The following APBB2 variants were observed in gnomAD, a reference collection of about 807,000 sequenced individuals.
APBB2 encodes the protein amyloid beta precursor protein binding family B member 2.
Under a neutral mutation model 82.5 loss-of-function variants are expected in APBB2, and 38 were observed. That is an observed-to-expected ratio of 0.46 (90% confidence interval 0.36 to 0.60). APBB2 has a LOEUF of 0.60. Ranked by LOEUF, APBB2 falls within the 20% of genes least tolerant of loss-of-function variation. The probability of loss-of-function intolerance (pLI) is 0.00; values close to 1 mark genes in which losing one functional copy is unlikely to be tolerated. For synonymous variants in APBB2, 341 were observed against 368.2 expected (o/e 0.93, Z 0.85); for missense variants, 772 against 972.3 (o/e 0.79, Z 2.74).
chr4:41,149,885 CAT>C (rs992961348), intron 1 of APBB2, among the ~76,000 whole-genome samples: 77 of 152,290 alleles, frequency 5.1e-4, no homozygotes, highest in African/African-American at 1.7e-3. Flanking sequence ...TTCCTGACAC[CAT>C]GTAAGACGTG....
At chr4:41,070,919 A>G (rs980646433) in intron 3 of APBB2, among the ~76,000 whole-genome samples, 3 of 152,236 alleles carry the variant, frequency 2.0e-5, no homozygotes, top group Non-Finnish European at 4.4e-5. Flanking sequence ...GCCAGTCTAC[A>G]AAGTGTTTAG....
intron 12 of APBB2, among the ~76,000 whole-genome samples, chr4:40,879,601 T>G (rs1223950732): frequency 1.3e-5 from 2 of 152,204 alleles, no homozygotes; most frequent in Non-Finnish European, 2.9e-5. Context: ...TTTCTAGATA[T>G]TAAAAAGACA....
At chr4:41,137,519 A>C (rs1757914052) in intron 2 of APBB2, among the ~76,000 whole-genome samples, 1 of 152,248 alleles carries the variant, frequency 6.6e-6, no homozygotes, top group Non-Finnish European at 1.5e-5. Flanking sequence ...ACAGTGACTC[A>C]TAAAGAACAG....
rs1408813503 is a variant in APBB2 at position 40,832,049 on chromosome 4, C to CACAT, written c.1530-1476_1530-1473dup. On this transcript the variant is annotated intron_variant, in intron 12 of 17. Coordinates refer to ENST00000508593, the MANE Select transcript of APBB2 (RefSeq NM_004307.2). This position sits in a 1 kb window ranked among gnomAD's most constrained non-coding sequence, Gnocchi z 4.8. The stretch of plus-strand genomic sequence containing the variant: ...ACACACACACACACACACACACACA[C>CACAT]ACATATACACCAAGCTTTACCCATC... Among the ~76,000 whole-genome samples, 122 of 151,632 alleles carry CACAT rather than the reference C, an allele frequency of 8.0e-4. No individual in the cohort carries two copies. The highest frequency in any genetic ancestry group is 2.9e-3 in the African/African-American group (118 of 41,344).
chr4:40,883,135 GAACT>G (rs943855757), intron 12 of APBB2, among the ~76,000 whole-genome samples: 3 of 152,190 alleles, frequency 2.0e-5, no homozygotes, highest in Non-Finnish European at 4.4e-5. Flanking sequence ...TGTGGCATGA[GAACT>G]AACCTCTGGC....
At chr4:40,992,997 T>C (rs996929913) in intron 6 of APBB2, among the ~76,000 whole-genome samples, 3 of 152,236 alleles carry the variant, frequency 2.0e-5, no homozygotes, top group Admixed American at 2.0e-4. Context: ...CTCTGTGCTT[T>C]TCCTTCAGTG....
At chr4:40,865,732 T>C (rs1763893381) in intron 12 of APBB2, among the ~76,000 whole-genome samples, 1 of 152,200 alleles carries the variant, frequency 6.6e-6, no homozygotes, top group African/African-American at 2.4e-5. Flanking sequence ...ATAAAGTCGA[T>C]AATAAGAAAA....
intron 6 of APBB2, among the ~76,000 whole-genome samples, chr4:40,976,554 A>T (rs1797218456): frequency 6.6e-6 from 1 of 152,200 alleles, no homozygotes. Flanking sequence ...ACTTTTAAAA[A>T]TTAGTAAAGT....
intron 1 of APBB2, among the ~76,000 whole-genome samples, chr4:41,202,898 C>T (rs564713883): frequency 1.3e-5 from 2 of 152,154 alleles, no homozygotes; most frequent in South Asian, 4.2e-4. Context: ...CACAAATGTT[C>T]GTATAAAAAT....
chr4:41,205,483 T>C (rs1372405875), intron 1 of APBB2, among the ~76,000 whole-genome samples: 1 of 152,044 alleles, frequency 6.6e-6, no homozygotes, highest in Non-Finnish European at 1.5e-5. Flanking sequence ...GGGCATAAAT[T>C]TGGGTCCCTG....
intron 2 of APBB2, among the ~76,000 whole-genome samples, chr4:41,104,029 TAA>T (rs931535029): frequency 5.9e-4 from 90 of 152,364 alleles, no homozygotes; most frequent in African/African-American, 2.1e-3. Context: ...TTTAATTATA[TAA>T]TTGTATCTAA....
intron 6 of APBB2, among the ~76,000 whole-genome samples, chr4:40,988,746 T>C (rs1194614530): frequency 1.3e-5 from 2 of 150,630 alleles, no homozygotes; most frequent in African/African-American, 2.4e-5. Context: ...AAATAATGAG[T>C]TTTCATTTGC....
chr4:40,955,942 A>G (rs1404019310), intron 6 of APBB2, among the ~76,000 whole-genome samples: 1 of 151,664 alleles, frequency 6.6e-6, no homozygotes, highest in Non-Finnish European at 1.5e-5. Flanking sequence ...CGCCCGGCTA[A>G]TTTTTGTATT....
intron 2 of APBB2, among the ~76,000 whole-genome samples, chr4:41,142,160 TCA>T (rs139466374): frequency 0.13 from 20,469 of 152,212 alleles, 1,527 homozygotes; most frequent in Non-Finnish European, 0.17. Flanking sequence ...AGACTGTGAC[TCA>T]CTACTTTCTA....
At chr4:40,961,100 C>T (rs905315972) in intron 6 of APBB2, among the ~76,000 whole-genome samples, 3 of 152,120 alleles carry the variant, frequency 2.0e-5, no homozygotes, top group African/African-American at 7.2e-5. Context: ...CTTTGTAGGG[C>T]AGAGCCATCA....
chr4:40,951,809 C>T (rs1441488278), intron 6 of APBB2, among the ~76,000 whole-genome samples: 1 of 152,226 alleles, frequency 6.6e-6, no homozygotes, highest in African/African-American at 2.4e-5. Context: ...ACTACAGCAG[C>T]ACATTCGAGT....
chr4:41,017,242 A>T (rs1441578418), intron 5 of APBB2, among the ~76,000 whole-genome samples: 3 of 152,198 alleles, frequency 2.0e-5, no homozygotes, highest in Non-Finnish European at 4.4e-5. Context: ...CAGTTTGAGT[A>T]ATATCTTAGA....
At chr4:40,913,082 T>C (rs1217318706) in intron 10 of APBB2, among the ~76,000 whole-genome samples, 1 of 152,072 alleles carries the variant, frequency 6.6e-6, no homozygotes, top group East Asian at 1.9e-4. Context: ...ACTGTGCACA[T>C]GAAGTGGAAC....
intron 7 of APBB2, among the ~76,000 whole-genome samples, chr4:40,936,039 T>C (rs1176515755): frequency 6.6e-6 from 1 of 152,224 alleles, no homozygotes; most frequent in African/African-American, 2.4e-5. Flanking sequence ...GTCTTGTGAA[T>C]TGCTTTACTG....
Sources: allele counts gnomAD v4.1 joint callset (sites outside exome capture counted in the v4.1 genomes callset), GRCh38; gene constraint gnomAD v4.1.1; non-coding constraint Gnocchi (gnomAD v3.1); transcripts MANE v1.5; gene names NCBI Gene and HGNC (gene_info 2026-07-23, HGNC 2026-07-21).